Variants in KNTC1 observed in about 807,000 individuals in gnomAD.
The protein encoded by KNTC1 is kinetochore-associated protein 1.
KNTC1 carries 253 observed loss-of-function variants against 314.4 expected under a neutral mutation model. The ratio of observed to expected loss-of-function variants is 0.80; its 90% confidence interval spans 0.73 to 0.89. The LOEUF (loss-of-function observed/expected upper bound fraction) is 0.89, where lower values mean the gene tolerates loss of function less well. KNTC1 is among the 40% of genes least tolerant of loss of function. The pLI is 0.00. For synonymous variants in KNTC1, 901 were observed against 901.4 expected (o/e 1.00, Z 0.01); for missense variants, 2,475 against 2,572.9 (o/e 0.96, Z 0.82).
chr12:122,554,040 T>C (rs1046035014), intron 16 of KNTC1, among the ~76,000 whole-genome samples: 2 of 143,300 alleles, frequency 1.4e-5, no homozygotes, highest in Admixed American at 7.2e-5. Flanking sequence ...AATATAACGG[T>C]TTTAAACATA....
intron 33 of KNTC1, among the ~76,000 whole-genome samples, chr12:122,581,382 A>G (rs1965416695): frequency 6.6e-6 from 1 of 151,836 alleles, no homozygotes; most frequent in African/African-American, 2.4e-5. Context: ...TATTTTAAGT[A>G]GAGTTGGGGT....
intron 5 of KNTC1, 102 bp from the exon 6 acceptor site, chr12:122,541,948 G>A: frequency 8.8e-7 from 1 of 1,140,380 alleles, no homozygotes; most frequent in Middle Eastern, 2.8e-4. Flanking sequence ...CCTAGAGGCG[G>A]AGGTTGCAGG....
intron 34 of KNTC1, 53 bp from the exon 35 acceptor site, chr12:122,584,225 C>T (rs940102303): frequency 4.7e-6 from 6 of 1,269,378 alleles, no homozygotes; most frequent in Non-Finnish European, 6.8e-6. Context: ...AAAGGCCATG[C>T]GTTCACTTTC....
intron 63 of KNTC1, among the ~76,000 whole-genome samples, 197 bp from the exon 64 acceptor site, chr12:122,626,008 T>C (rs569443335): frequency 2.0e-5 from 3 of 152,200 alleles, no homozygotes; most frequent in Non-Finnish European, 4.4e-5. Context: ...ATTACTTTTT[T>C]TTTCAGAAGG....
At chr12:122,532,726 A>T (rs1185728015) in intron 2 of KNTC1, among the ~76,000 whole-genome samples, 1 of 152,194 alleles carries the variant, frequency 6.6e-6, no homozygotes, top group Non-Finnish European at 1.5e-5. Context: ...TGGACATAAG[A>T]TGGCATCTTA....
chr12:122,560,031 C>T (rs181490896), intron 18 of KNTC1, among the ~76,000 whole-genome samples: 1 of 152,258 alleles, frequency 6.6e-6, no homozygotes, highest in East Asian at 1.9e-4. Flanking sequence ...CCTGGCAAAC[C>T]ATATGCTGTC....
intron 43 of KNTC1, among the ~76,000 whole-genome samples, chr12:122,596,994 T>TA (rs1871141911): frequency 6.6e-6 from 1 of 152,174 alleles, no homozygotes; most frequent in Admixed American, 6.6e-5. Context: ...GATGTATTGT[T>TA]AGGTTGTTTA....
In KNTC1 at chr12:122,547,979, AATTTT is replaced by A; in HGVS notation, c.987+16_987+20del. On this transcript the variant is annotated intron_variant, in intron 12 of 63. Coordinates refer to ENST00000333479, the MANE Select transcript of KNTC1 (RefSeq NM_014708.6). ...TTCAGCTAATAAGAAGGTATTGGAA[AATTTT>A]ATTTTGTGCTTGCCTATATTATGTG... 6.6e-7 allele frequency: 1 copy of A among 1,525,902 alleles called. No individual in the cohort carries two copies. Among genetic ancestry groups the A allele is most frequent in the Non-Finnish European group, 8.8e-7 (1 of 1,135,184 alleles). 94.5% of individuals were successfully genotyped at this position (1,525,902 alleles called of 1,614,324 possible).
chr12:122,542,907 A>G (rs533722003), intron 6 of KNTC1, among the ~76,000 whole-genome samples: 2 of 152,122 alleles, frequency 1.3e-5, no homozygotes, highest in East Asian at 1.9e-4. Context: ...TTATTTTATT[A>G]TTTTTATTTA....
intron 37 of KNTC1, among the ~76,000 whole-genome samples, chr12:122,586,297 G>A (rs535696900): frequency 6.6e-6 from 1 of 152,234 alleles, no homozygotes; most frequent in South Asian, 2.1e-4. Context: ...GGCCAGGCTG[G>A]TCTCAATCTC....
At chr12:122,561,366 A>G (rs1036964824) in intron 18 of KNTC1, among the ~76,000 whole-genome samples, 3 of 151,954 alleles carry the variant, frequency 2.0e-5, no homozygotes, top group Non-Finnish European at 4.4e-5. Flanking sequence ...TTTTTCTGTC[A>G]TAGACCTTTT....
chr12:122,557,636 C>G lies in KNTC1; in HGVS notation c.1435C>G (p.Gln479Glu). ...TGTGGTGAATTACTGCCTGAAAGCT[C>G]AGTGGATAACCTATGAAACCACTCA... ...EFVVNYCLKA[Q>E]WITYETTQEM... The change falls in exon 18 of 64, where the codon CAG (glutamine) becomes GAG (glutamate). Residue 479 changes from glutamine (Q) to glutamate (E), a missense_variant. Transcript: ENST00000333479. 1.2e-6 allele frequency: 2 copies of G among 1,613,422 alleles called. No individual in the cohort carries two copies. The highest frequency in any genetic ancestry group is 1.7e-6 in the Non-Finnish European group (2 of 1,179,640).
chr12:122,565,318 C>G (rs953356931), intron 20 of KNTC1, among the ~76,000 whole-genome samples: 2 of 150,344 alleles, frequency 1.3e-5, no homozygotes, highest in African/African-American at 2.4e-5. Flanking sequence ...ACAGGGTCTC[C>G]CATGTTGCCC....
At position 122,585,629 on chromosome 12, in the gene KNTC1, C is replaced by T. The variant is rs1243008693; in HGVS notation, c.3535-7C>T. The T allele has an allele frequency of 6.2e-7, 1 of 1,613,468 alleles. No individual in the cohort carries two copies. The highest frequency in any genetic ancestry group is 1.3e-5 in the African/African-American group (1 of 74,888). On this transcript the variant is annotated splice_polypyrimidine_tract_variant and splice_region_variant and intron_variant, in intron 36 of 63. Transcript: ENST00000333479. ...GTTCTCTCTTTTTTGTATGATTTGG[C>T]ACCTAGGCTTCTTTTGGGACACATA... is the stretch of plus-strand genomic sequence containing the variant.
chr12:122,536,471 C>G (rs1961845654), intron 3 of KNTC1, among the ~76,000 whole-genome samples: 1 of 151,178 alleles, frequency 6.6e-6, no homozygotes, highest in Admixed American at 6.6e-5. Flanking sequence ...ATCTGCCCGC[C>G]TCGGCCTCCT....
At chr12:122,577,100 C>T in intron 30 of KNTC1, 71 bp downstream of exon 30, 1 of 1,233,986 alleles carries the variant, frequency 8.1e-7, no homozygotes, top group Non-Finnish European at 1.1e-6. Flanking sequence ...TTTTTTGAGA[C>T]AGGGTCTCGC....
chr12:122,578,593 G>A (rs547970286), intron 31 of KNTC1, among the ~76,000 whole-genome samples: 5 of 151,952 alleles, frequency 3.3e-5, no homozygotes, highest in Admixed American at 6.6e-5. Flanking sequence ...GCTAATTTAT[G>A]TATTTTTACT....
chr12:122,551,840 A>G, intron 16 of KNTC1, 144 bp downstream of exon 16: 1 of 676,640 alleles, frequency 1.5e-6, no homozygotes, highest in South Asian at 1.8e-5. Flanking sequence ...TTAGAGATTC[A>G]GAGGAAAGAG....
At chr12:122,603,642 G>A (rs1192963506) in intron 48 of KNTC1, among the ~76,000 whole-genome samples, 4 of 151,982 alleles carry the variant, frequency 2.6e-5, no homozygotes, top group Non-Finnish European at 4.4e-5. Context: ...ACAGGTGCGC[G>A]CCATCATGCC....
Sources: allele counts gnomAD v4.1 joint callset (sites outside exome capture counted in the v4.1 genomes callset), GRCh38; gene constraint gnomAD v4.1.1; transcripts MANE v1.5; gene names NCBI Gene and HGNC (gene_info 2026-07-23, HGNC 2026-07-21).